CHRNA7: variants seen among roughly 807,000 people sequenced by gnomAD.
The protein encoded by CHRNA7 is neuronal acetylcholine receptor subunit alpha-7.
Under a neutral mutation model 48.0 loss-of-function variants are expected in CHRNA7, and 17 were observed. The ratio of observed to expected loss-of-function variants is 0.35; its 90% CI spans 0.24 to 0.53. The LOEUF is 0.53. CHRNA7 is among the 20% of genes least tolerant of loss of function. CHRNA7 has a pLI of 0.92. For missense variants in CHRNA7, 155 were observed against 577.7 expected (o/e 0.27, Z 7.50); for synonymous variants, 75 against 242.3 (o/e 0.31, Z 6.41).
At chr15:32,062,225 C>G (rs963016004) in intron 2 of CHRNA7, among the ~76,000 whole-genome samples, 1 of 152,204 alleles carries the variant, frequency 6.6e-6, no homozygotes, top group African/African-American at 2.4e-5. Flanking sequence ...ACTTAGTTCT[C>G]TGTTCACTCT....
intron 4 of CHRNA7, among the ~76,000 whole-genome samples, chr15:32,148,889 C>T (rs934374043): frequency 6.6e-6 from 1 of 152,246 alleles, no homozygotes. Flanking sequence ...CCGTTTCCGT[C>T]TTTGGGAGCT....
chr15:32,034,893 C>G (rs1459477697), intron 2 of CHRNA7, among the ~76,000 whole-genome samples: 2 of 152,128 alleles, frequency 1.3e-5, no homozygotes, highest in Non-Finnish European at 2.9e-5. Context: ...CGAATCTCTG[C>G]TTAAGCAGAA....
Position 32,072,903 on chromosome 15 carries a change from G to A in CHRNA7, c.196-28400G>A, listed in dbSNP as rs917226317. On this transcript the variant is annotated intron_variant, in intron 2 of 9. Transcript: ENST00000306901. ...TGCCCAGGTGGAAGCCTATTGCAGG[G>A]GTGGAGCTACCATGGAGGGCGTCTA... is the stretch of plus-strand genomic sequence containing the variant. 2.0e-5 allele frequency among the ~76,000 whole-genome samples: 3 copies of A among 152,306 alleles called. No homozygotes were observed. In the East Asian group the frequency reaches 5.8e-4, roughly 29 times the overall value.
chr15:32,151,641 A>G (rs1419089067), intron 4 of CHRNA7, among the ~76,000 whole-genome samples: 2 of 152,124 alleles, frequency 1.3e-5, no homozygotes, highest in Non-Finnish European at 2.9e-5. Context: ...CTATCAGCCA[A>G]ACCTCCCACC....
At chr15:32,095,978 G>A (rs1310743743) in intron 2 of CHRNA7, among the ~76,000 whole-genome samples, 1 of 152,174 alleles carries the variant, frequency 6.6e-6, no homozygotes, top group Non-Finnish European at 1.5e-5. Flanking sequence ...AGGGCCAGGA[G>A]CTTGTTTGTT....
chr15:32,043,056 T>C (rs191412380), intron 2 of CHRNA7, among the ~76,000 whole-genome samples: 7 of 152,308 alleles, frequency 4.6e-5, no homozygotes, highest in Middle Eastern at 3.4e-3. Context: ...TATTTAAATA[T>C]TTAAAAGTTA....
At chr15:32,093,805 G>A (rs899539176) in intron 2 of CHRNA7, among the ~76,000 whole-genome samples, 9 of 152,152 alleles carry the variant, frequency 5.9e-5, no homozygotes, top group South Asian at 2.1e-4. Flanking sequence ...AAATATACAC[G>A]TATTACACTG....
intron 4 of CHRNA7, among the ~76,000 whole-genome samples, chr15:32,150,949 G>C (rs575202119): frequency 2.6e-5 from 4 of 152,000 alleles, no homozygotes; most frequent in Non-Finnish European, 4.4e-5. Context: ...GGAAGTAAGG[G>C]GGGGGGATGT....
At chr15:32,117,791 T>C (rs888024117) in intron 4 of CHRNA7, among the ~76,000 whole-genome samples, 3 of 152,178 alleles carry the variant, frequency 2.0e-5, no homozygotes, top group Non-Finnish European at 4.4e-5. Flanking sequence ...TTGTCATGGT[T>C]AATAGCTCCT....
intron 4 of CHRNA7, among the ~76,000 whole-genome samples, chr15:32,114,053 TATATATAC>T (rs1369228498): frequency 8.6e-5 from 3 of 34,996 alleles, no homozygotes; most frequent in East Asian, 1.3e-3. Flanking sequence ...TGTATATATA[TATATATAC>T]ATATATATAT....
chr15:32,125,729 G>T (rs1010219303), intron 4 of CHRNA7, among the ~76,000 whole-genome samples: 10 of 152,158 alleles, frequency 6.6e-5, no homozygotes, highest in African/African-American at 2.2e-4. Flanking sequence ...AATGGAAACT[G>T]CATCTTTACC....
intron 2 of CHRNA7, among the ~76,000 whole-genome samples, chr15:32,045,285 T>G (rs2049520933): frequency 6.6e-6 from 1 of 152,172 alleles, no homozygotes; most frequent in African/African-American, 2.4e-5. Flanking sequence ...TGTTTGTAGT[T>G]TGTCCCAGAC....
At position 32,083,815 on chromosome 15, in the gene CHRNA7, G is replaced by A. The variant is rs760335434; in HGVS notation, c.196-17488G>A. ...ACTTAAATTATGAAAAAGTTCCAAC[G>A]CAATTTGGTTCCTGATTTTGTGATA... On this transcript the variant is annotated intron_variant, in intron 2 of 9. Transcript: ENST00000306901. Among the ~76,000 whole-genome samples the A allele has an allele frequency of 4.6e-5, 7 of 152,244 alleles. 1 individual carries two copies. The highest frequency in any genetic ancestry group is 2.1e-4 in the South Asian group (1 of 4,814).
At chr15:32,081,808 A>G (rs1260427647) in intron 2 of CHRNA7, among the ~76,000 whole-genome samples, 1 of 152,110 alleles carries the variant, frequency 6.6e-6, no homozygotes, top group Non-Finnish European at 1.5e-5. Flanking sequence ...TTTACTTGCC[A>G]TATTTTTCCC....
chr15:32,118,412 A>C (rs1456390609), intron 4 of CHRNA7, among the ~76,000 whole-genome samples: 2 of 152,184 alleles, frequency 1.3e-5, no homozygotes, highest in African/African-American at 4.8e-5. Flanking sequence ...TCAGAGAAGG[A>C]GTTTTGAGGA....
intron 3 of CHRNA7, among the ~76,000 whole-genome samples, chr15:32,104,597 A>T (rs2050630595): frequency 6.6e-6 from 1 of 152,170 alleles, no homozygotes; most frequent in Non-Finnish European, 1.5e-5. Context: ...CTCCAGGTGC[A>T]TTCGGTCACT....
At chr15:32,126,594 C>G (rs2051070816) in intron 4 of CHRNA7, among the ~76,000 whole-genome samples, 2 of 152,150 alleles carry the variant, frequency 1.3e-5, no homozygotes, top group African/African-American at 2.4e-5. Flanking sequence ...AGTCCATCTA[C>G]TTAATATATT....
intron 2 of CHRNA7, among the ~76,000 whole-genome samples, chr15:32,083,807 G>A (rs141611942): frequency 5.3e-5 from 8 of 152,258 alleles, no homozygotes; most frequent in African/African-American, 1.9e-4. Flanking sequence ...TTATGAAAAA[G>A]TTCCAACGCA....
At chr15:32,032,992 T>C (rs1275331322) in intron 2 of CHRNA7, among the ~76,000 whole-genome samples, 2 of 152,190 alleles carry the variant, frequency 1.3e-5, no homozygotes, top group Non-Finnish European at 2.9e-5. Context: ...TTTTGTCATG[T>C]TAGAAAATTA....
Sources: gnomAD v4.1 joint callset for allele counts (sites outside exome capture counted in the v4.1 genomes callset) on GRCh38, gnomAD v4.1.1 for gene constraint, MANE v1.5 for transcripts, NCBI Gene and HGNC (gene_info 2026-07-23, HGNC 2026-07-21) for gene names.